Variants in SCYL3 observed in about 807,000 individuals in gnomAD.
SCYL3 encodes the protein protein-associating with the carboxyl-terminal domain of ezrin.
In SCYL3, 35 loss-of-function variants were observed where a neutral mutation model predicts 73.8. That is an observed-to-expected ratio of 0.47 (90% CI 0.36 to 0.63). The LOEUF is 0.63. Ranked by LOEUF, SCYL3 falls within the 20% of genes least tolerant of loss-of-function variation. The pLI is 0.00. For synonymous variants in SCYL3, 277 were observed against 295.2 expected (o/e 0.94, Z 0.63); for missense variants, 712 against 798.9 (o/e 0.89, Z 1.31).
At chr1:169,860,678 A>G (rs752794037) in intron 10 of SCYL3, among the ~76,000 whole-genome samples, 11 of 152,250 alleles carry the variant, frequency 7.2e-5, no homozygotes, top group Non-Finnish European at 1.6e-4. Flanking sequence ...TGCCCACTGA[A>G]TATGATAATC....
At chr1:169,883,142 C>A (rs914582735) in intron 2 of SCYL3, among the ~76,000 whole-genome samples, 1 of 152,138 alleles carries the variant, frequency 6.6e-6, no homozygotes, top group African/African-American at 2.4e-5. Flanking sequence ...TGAGAAGGAA[C>A]AAACTCCAGA....
chr1:169,876,094 G>GA lies in SCYL3; in HGVS notation c.352-4_352-3insT, dbSNP rs1660779919. ...ACATTATTGTGTGTTAGGTGTCCCT[G>GA]GAAAAAAAAAAGAACAGAAGGAAGA... is the stretch of plus-strand genomic sequence containing the variant. On this transcript the variant is annotated splice_region_variant and splice_polypyrimidine_tract_variant and intron_variant, in intron 3 of 12. Coordinates refer to ENST00000367771, the MANE Select transcript of SCYL3 (RefSeq NM_020423.7). 1 of 1,533,126 alleles carries GA rather than the reference G, an allele frequency of 6.5e-7. No individual in the cohort carries two copies. The highest frequency in any genetic ancestry group is 1.2e-5 in the South Asian group (1 of 80,474). The allele number at this position is 1,533,126 out of a possible 1,614,324, so 95.0% of individuals were successfully genotyped here.
Position 169,851,647 on chromosome 1 carries a change from TAG to T in SCYL3, c.*2064_*2065del. ...AACTATTTTGTAAGGAAGAACACAG[TAG>T]AGTGATTTAATCCAGATTATACTAA... On this transcript the variant is annotated 3_prime_UTR_variant, in exon 13 of 13. Transcript: ENST00000367771. 5.3e-6 allele frequency: 4 copies of T among 749,400 alleles called. No individual in the cohort carries two copies. In the South Asian group the frequency reaches 7.8e-5, roughly 15 times the overall value. 46.4% of individuals were successfully genotyped at this position (749,400 alleles called of 1,614,324 possible). A position where few individuals can be genotyped will look rare whatever the true frequency, so the allele number is the denominator to read the frequency against.
At chr1:169,870,119 C>T (rs1660291617) in intron 6 of SCYL3, 136 bp downstream of exon 6, 1 of 581,700 alleles carries the variant, frequency 1.7e-6, no homozygotes, top group Non-Finnish European at 3.0e-6. Flanking sequence ...TTAGTATCTG[C>T]CCTAAAAAAG....
chr1:169,875,107 A>T (rs1249400893), intron 4 of SCYL3, among the ~76,000 whole-genome samples: 1 of 152,206 alleles, frequency 6.6e-6, no homozygotes, highest in Non-Finnish European at 1.5e-5. Context: ...ATATGGACAG[A>T]ATAACCAGAA....
At chr1:169,878,853 TGACCCCAAACCAGATTATA>T (rs752422652) in intron 2 of SCYL3, 34 bp from the exon 3 acceptor site, 2 of 1,573,378 alleles carry the variant, frequency 1.3e-6, no homozygotes, top group Non-Finnish European at 1.7e-6. Flanking sequence ...CTGAAGTTAA[TGACCCCAAACCAGATTATA>T]GTTTCATATA....
Position 169,853,439 on chromosome 1 carries a change from C to A in SCYL3, c.*274G>T. On this transcript the variant is annotated 3_prime_UTR_variant, in exon 13 of 13. Coordinates refer to ENST00000367771, the MANE Select transcript of SCYL3 (RefSeq NM_020423.7). The stretch of plus-strand genomic sequence containing the variant: ...GAAAAAGCAGTAAATTCGACCTCTC[C>A]TCAGCTACTTGCTCTTCATAGAAAC... The A allele has an allele frequency of 2.3e-6, 1 of 436,502 alleles. No homozygotes were observed. The highest frequency in any genetic ancestry group is 4.4e-5 in the South Asian group (1 of 22,532). 27.0% of individuals were successfully genotyped at this position (436,502 alleles called of 1,614,324 possible).
chr1:169,892,220 A>C (rs1170840909), intron 1 of SCYL3, among the ~76,000 whole-genome samples: 1 of 152,204 alleles, frequency 6.6e-6, no homozygotes. Context: ...ATATCTAAAG[A>C]AGCACAAATA....
At chr1:169,856,693 C>T (rs1659200372) in intron 11 of SCYL3, among the ~76,000 whole-genome samples, 2 of 152,180 alleles carry the variant, frequency 1.3e-5, no homozygotes, top group Non-Finnish European at 2.9e-5. Context: ...ATGTCTTCTT[C>T]TCTGAACCAT....
chr1:169,855,832 T>C (rs752052513), intron 11 of SCYL3: 11 of 1,613,912 alleles, frequency 6.8e-6, no homozygotes, highest in South Asian at 4.4e-5. Context: ...TCTCGCTGTA[T>C]GTGCTTCTTG....
At chr1:169,853,846 A>C in intron 12 of SCYL3, 74 bp from the exon 13 acceptor site, 2 of 1,544,934 alleles carry the variant, frequency 1.3e-6, no homozygotes, top group Non-Finnish European at 1.8e-6. Flanking sequence ...AATTTGAAAA[A>C]GCAGGAATTT....
At chr1:169,890,775 A>G (rs1018548082) in intron 1 of SCYL3, among the ~76,000 whole-genome samples, 1 of 152,272 alleles carries the variant, frequency 6.6e-6, no homozygotes, top group African/African-American at 2.4e-5. Context: ...TAAAAATGAC[A>G]GAGAAGCAAA....
chr1:169,878,777 A>C lies in SCYL3; in HGVS notation c.208T>G (p.Ser70Ala). The C allele has an allele frequency of 6.2e-7, 1 of 1,613,666 alleles. No individual in the cohort carries two copies. The highest frequency in any genetic ancestry group is 8.5e-7 in the Non-Finnish European group (1 of 1,179,892). The change falls in exon 3 of 13, where the codon TCT becomes GCT. Residue 70 changes from serine (S) to alanine (A), a missense_variant. By Grantham distance (99) the Ser-to-Ala change is moderately conservative (BLOSUM62 1). Transcript: ENST00000367771. ...ATGCCATCCGCTTCCACAGTACAAG[A>C]TAAAAATCTTAGCAAGCAAGGGTGA... is the stretch of plus-strand genomic sequence containing the variant. ...LRHPCLLRFL[S>A]CTVEADGIHL... is the part of the protein sequence containing the mutation.
chr1:169,886,310 C>CA (rs900942051), intron 2 of SCYL3, among the ~76,000 whole-genome samples: 11 of 148,268 alleles, frequency 7.4e-5, no homozygotes, highest in East Asian at 5.9e-4. Context: ...GACTACATCT[C>CA]AAAAAAAAAA....
intron 2 of SCYL3, among the ~76,000 whole-genome samples, chr1:169,887,971 T>C (rs3766154): frequency 0.71 from 107,890 of 152,130 alleles, 38,451 homozygotes; most frequent in Middle Eastern, 0.86. Context: ...CAAGTTCAAC[T>C]TGAAAATAGC....
At position 169,853,059 on chromosome 1, in the gene SCYL3, CAG is replaced by C; in HGVS notation, c.*652_*653del. 6.8e-7 allele frequency: 1 copy of C among 1,476,258 alleles called. No individual in the cohort carries two copies. The highest frequency in any genetic ancestry group is 2.3e-5 in the East Asian group (1 of 43,788). 91.4% of individuals were successfully genotyped at this position (1,476,258 alleles called of 1,614,324 possible). On this transcript the variant is annotated 3_prime_UTR_variant, in exon 13 of 13. Coordinates refer to ENST00000367771, the MANE Select transcript of SCYL3 (RefSeq NM_020423.7). ...ATACTTATGTCTGTACATTTTCTAACAGATATAAAACAAATTTTGTAAAGTTG... is the reference window on the plus strand; with the variant it reads ...ATACTTATGTCTGTACATTTTCTAACATATAAAACAAATTTTGTAAAGTTG...
chr1:169,858,802 G>T (rs1398193877), intron 11 of SCYL3, among the ~76,000 whole-genome samples: 1 of 151,554 alleles, frequency 6.6e-6, no homozygotes, highest in Non-Finnish European at 1.5e-5. Flanking sequence ...TCCTTATGTG[G>T]TACATGACTC....
intron 4 of SCYL3, 69 bp from the exon 5 acceptor site, chr1:169,873,821 G>T (rs1482329939): frequency 1.8e-6 from 2 of 1,128,884 alleles, no homozygotes; most frequent in Non-Finnish European, 2.7e-6. Context: ...CTTACATCAG[G>T]TTACATAAGC....
intron 5 of SCYL3, among the ~76,000 whole-genome samples, chr1:169,873,067 CA>C (rs1481694564): frequency 1.3e-5 from 2 of 152,044 alleles, no homozygotes; most frequent in African/African-American, 4.8e-5. Flanking sequence ...GGGGAGGGGC[CA>C]GGGGAGGAAT....
Sources: allele counts gnomAD v4.1 joint callset (sites outside exome capture counted in the v4.1 genomes callset), GRCh38; gene constraint gnomAD v4.1.1; transcripts MANE v1.5; gene names NCBI Gene and HGNC (gene_info 2026-07-23, HGNC 2026-07-21).